PINX1: variants seen among roughly 807,000 people sequenced by gnomAD.
The protein encoded by PINX1 is PIN2/TERF1-interacting telomerase inhibitor 1.
A neutral mutation model predicts 25.4 loss-of-function variants in PINX1; 34 were observed. The observed-to-expected ratio is 1.34, with a 90% CI of 1.02 to 1.78. The LOEUF (loss-of-function observed/expected upper bound fraction) is 1.78, where lower values mean the gene tolerates loss of function less well. PINX1 is among the 40% of genes most tolerant of loss of function. The probability of loss-of-function intolerance (pLI) is 0.00; values close to 1 mark genes in which losing one functional copy is unlikely to be tolerated. For synonymous variants in PINX1, 197 were observed against 147.7 expected, an observed-to-expected ratio of 1.33 and a Z score of -2.42; for missense variants, 592 against 404.9, an observed-to-expected ratio of 1.46 and a Z score of -3.97.
At position 10,832,954 on chromosome 8, in the gene PINX1, C is replaced by G; in HGVS notation, c.160G>C (p.Asp54His). The G allele has an allele frequency of 6.2e-7, 1 of 1,611,384 alleles. No homozygotes were observed. The highest frequency in any genetic ancestry group is 8.5e-7 in the Non-Finnish European group (1 of 1,178,558). The change falls in exon 3 of 7, where the codon GAT (aspartate) becomes CAT (histidine). Residue 54 changes from aspartate (D) to histidine (H), a missense_variant. Physicochemically the swap from Asp to His is moderately conservative, Grantham distance 81. Transcript: ENST00000314787. The stretch of plus-strand genomic sequence containing the variant: ...TTTTTCACTTGAACTTTAATATGAT[C>G]TGTGGCTCCTTGCTCCTGAGCCCCT... ...GLGAQEQGAT[D>H]HIKVQVKNNH...
intron 2 of PINX1, chr8:10,833,376 T>C (rs34349857): frequency 0.048 from 7,669 of 158,438 alleles, 222 homozygotes; most frequent in Middle Eastern, 0.082. Flanking sequence ...ACTGGTCTTT[T>C]AAGGATGACA....
intron 6 of PINX1, among the ~76,000 whole-genome samples, chr8:10,798,567 A>G (rs1247094015): frequency 6.6e-6 from 1 of 152,202 alleles, no homozygotes; most frequent in East Asian, 1.9e-4. Flanking sequence ...CTCCTGGGGA[A>G]AAAAAGCCAA....
chr8:10,826,564 T>A (rs372772571), intron 4 of PINX1, among the ~76,000 whole-genome samples: 1 of 152,220 alleles, frequency 6.6e-6, no homozygotes, highest in East Asian at 1.9e-4. Context: ...ATTAGCCTTA[T>A]TCATCATAGC....
chr8:10,824,676 G>A (rs531633595), intron 5 of PINX1, among the ~76,000 whole-genome samples: 35 of 152,314 alleles, frequency 2.3e-4, no homozygotes, highest in Non-Finnish European at 4.0e-4. Context: ...AAATGCTTCA[G>A]ATGAAATCAT....
At chr8:10,791,563 G>A (rs1045951831) in intron 6 of PINX1, among the ~76,000 whole-genome samples, 5 of 152,194 alleles carry the variant, frequency 3.3e-5, no homozygotes, top group Non-Finnish European at 7.3e-5. Context: ...GTTGAAACCT[G>A]CTTGTGAAGC....
intron 6 of PINX1, among the ~76,000 whole-genome samples, chr8:10,766,293 C>G (rs891559): frequency 0.16 from 25,023 of 152,258 alleles, 2,518 homozygotes; most frequent in Non-Finnish European, 0.23. Context: ...CCATCAGAAA[C>G]AGGGACACTG....
chr8:10,817,184 C>G (rs1328004267), intron 6 of PINX1, among the ~76,000 whole-genome samples: 1 of 152,164 alleles, frequency 6.6e-6, no homozygotes, highest in African/African-American at 2.4e-5. Context: ...CTACTGCTAC[C>G]TTAGTGGCCC....
At chr8:10,776,166 C>T (rs1057130232) in intron 6 of PINX1, among the ~76,000 whole-genome samples, 2 of 152,186 alleles carry the variant, frequency 1.3e-5, no homozygotes, top group Non-Finnish European at 2.9e-5. Flanking sequence ...TGGCTCACAC[C>T]TGTAAACCCA....
chr8:10,811,578 G>T (rs1197901913), intron 6 of PINX1, among the ~76,000 whole-genome samples: 4 of 152,128 alleles, frequency 2.6e-5, no homozygotes, highest in African/African-American at 9.7e-5. Flanking sequence ...GGCTGGGCTG[G>T]GCAGTCCTGG....
chr8:10,818,457 C>T (rs1797767650), intron 6 of PINX1, among the ~76,000 whole-genome samples: 1 of 152,188 alleles, frequency 6.6e-6, no homozygotes, highest in African/African-American at 2.4e-5. Context: ...TGATCTCTTA[C>T]AACTAAGAGC....
At chr8:10,825,327 A>G (rs1311137208) in intron 5 of PINX1, 2 of 534,758 alleles carry the variant, frequency 3.7e-6, no homozygotes, top group East Asian at 1.1e-4. Flanking sequence ...CAAGGTAGAA[A>G]CACATCCAAC....
intron 6 of PINX1, among the ~76,000 whole-genome samples, chr8:10,806,691 C>T (rs1280512892): frequency 1.3e-5 from 2 of 152,108 alleles, no homozygotes; most frequent in Non-Finnish European, 1.5e-5. Context: ...ACAAGAGAAA[C>T]ATGTGAGGGA....
chr8:10,800,363 G>A (rs73662628), intron 6 of PINX1, among the ~76,000 whole-genome samples: 1,823 of 152,150 alleles, frequency 0.012, 45 homozygotes, highest in African/African-American at 0.041. Context: ...ATTATTTTGC[G>A]ATTCTTTTAC....
At chr8:10,821,782 C>T (rs934398999) in intron 5 of PINX1, 1 of 152,218 alleles carries the variant, frequency 6.6e-6, no homozygotes, top group South Asian at 2.1e-4. Context: ...CTATCCCTAA[C>T]CTATCCTCTG....
At chr8:10,827,490 T>C (rs1671940272) in intron 4 of PINX1, among the ~76,000 whole-genome samples, 1 of 152,078 alleles carries the variant, frequency 6.6e-6, no homozygotes, top group African/African-American at 2.4e-5. Context: ...GCCACCTGCA[T>C]TCTCTCACCT....
intron 6 of PINX1, among the ~76,000 whole-genome samples, chr8:10,804,124 T>G (rs1360697382): frequency 2.0e-5 from 3 of 152,178 alleles, no homozygotes; most frequent in African/African-American, 4.8e-5. Flanking sequence ...ACACACACTG[T>G]TGAAAGGACA....
rs190314871 is a variant in PINX1 at position 10,794,391 on chromosome 8, G to A, written c.471+25802C>T. Among the ~76,000 whole-genome samples, 1,296 of 151,294 alleles carry A rather than the reference G, an allele frequency of 8.6e-3. 11 individuals are homozygous for A. Among genetic ancestry groups the A allele is most frequent in the Middle Eastern group, 0.021 (6 of 290 alleles). ...CATCATATATTGACTTAAAATATCC[G>A]AACAGTATTACAAAGTAAAAAGGAG... On this transcript the variant is annotated intron_variant, in intron 6 of 6. Coordinates refer to ENST00000314787, the MANE Select transcript of PINX1 (RefSeq NM_017884.6).
At chr8:10,820,667 T>A (rs1335308277) in intron 5 of PINX1, among the ~76,000 whole-genome samples, 1 of 152,092 alleles carries the variant, frequency 6.6e-6, no homozygotes, top group African/African-American at 2.4e-5. Flanking sequence ...CTTAGAAGAT[T>A]ACGAAATACA....
At chr8:10,809,260 G>A (rs1230258617) in intron 6 of PINX1, among the ~76,000 whole-genome samples, 3 of 152,168 alleles carry the variant, frequency 2.0e-5, no homozygotes, top group South Asian at 2.1e-4. Flanking sequence ...GCAAGTGGCT[G>A]GAGGGAAGAT....
Sources: gnomAD v4.1 joint callset for allele counts (sites outside exome capture counted in the v4.1 genomes callset) on GRCh38, gnomAD v4.1.1 for gene constraint, MANE v1.5 for transcripts, NCBI Gene and HGNC (gene_info 2026-07-23, HGNC 2026-07-21) for gene names.